Variants in PPARGC1A observed in about 807,000 individuals in gnomAD.
PPARGC1A encodes the protein PPARG coactivator 1 alpha.
In PPARGC1A, 25 loss-of-function variants were observed where a neutral mutation model predicts 88.7. That is an observed-to-expected ratio of 0.28 (90% confidence interval 0.21 to 0.39). PPARGC1A has a LOEUF of 0.39. PPARGC1A is among the 10% of genes least tolerant of loss of function. PPARGC1A has a pLI of 1.00. For synonymous variants in PPARGC1A, 363 were observed against 355.6 expected, an observed-to-expected ratio of 1.02 and a Z score of -0.24; for missense variants, 880 against 968.7, an observed-to-expected ratio of 0.91 and a Z score of 1.22.
chr4:24,082,275 G>A, the PPARGC1A span, among the ~76,000 whole-genome samples: 1 of 152,074 alleles, frequency 6.6e-6, no homozygotes, highest in Non-Finnish European at 1.5e-5. Context: ...CTTTTATCAG[G>A]CAGTGACCAT....
chr4:24,175,042 C>G, the PPARGC1A span, among the ~76,000 whole-genome samples: 2 of 151,996 alleles, frequency 1.3e-5, no homozygotes, highest in Admixed American at 6.5e-5. Flanking sequence ...GTATAACTTT[C>G]TAAAAGTAAC....
At chr4:24,306,687 A>T in the PPARGC1A span, among the ~76,000 whole-genome samples, 2 of 152,228 alleles carry the variant, frequency 1.3e-5, no homozygotes, top group Non-Finnish European at 1.5e-5. Context: ...ATATACACAA[A>T]TGACCATGGC....
At chr4:23,921,561 G>A in the PPARGC1A span, among the ~76,000 whole-genome samples, 1 of 152,164 alleles carries the variant, frequency 6.6e-6, no homozygotes, top group Admixed American at 6.5e-5. Flanking sequence ...CATTTTGTTT[G>A]ACATTTCACT....
chr4:24,172,886 C>T, the PPARGC1A span, among the ~76,000 whole-genome samples: 1 of 152,194 alleles, frequency 6.6e-6, no homozygotes, highest in Non-Finnish European at 1.5e-5. Context: ...TTTTTGCCAT[C>T]TTACCATTCT....
At chr4:24,049,794 G>A in the PPARGC1A span, among the ~76,000 whole-genome samples, 13 of 152,022 alleles carry the variant, frequency 8.6e-5, no homozygotes, top group Admixed American at 5.2e-4. Context: ...TAAGCTCTGC[G>A]TGCCCTTTTG....
At chr4:23,968,224 T>C in the PPARGC1A span, among the ~76,000 whole-genome samples, 1 of 152,198 alleles carries the variant, frequency 6.6e-6, no homozygotes, top group Non-Finnish European at 1.5e-5. Flanking sequence ...GGGAATCTGA[T>C]AGTATTTTTA....
At chr4:24,122,385 A>ATGTGTGTGTGTGTG in the PPARGC1A span, among the ~76,000 whole-genome samples, 1 of 105,922 alleles carries the variant, frequency 9.4e-6, no homozygotes, top group Non-Finnish European at 2.0e-5. Context: ...GTGTATGCGT[A>ATGTGTGTGTGTGTG]TGTGTGTGTG....
chr4:24,222,560 C>G, the PPARGC1A span, among the ~76,000 whole-genome samples: 1 of 152,092 alleles, frequency 6.6e-6, no homozygotes, highest in African/African-American at 2.4e-5. Flanking sequence ...TACACTGAAT[C>G]CCTCCTTTCA....
chr4:23,910,636 C>T, the PPARGC1A span, among the ~76,000 whole-genome samples: 3 of 150,254 alleles, frequency 2.0e-5, no homozygotes, highest in Non-Finnish European at 4.4e-5. Context: ...CATGGGGTTT[C>T]ACCATATTGG....
chr4:23,812,774 T>C lies in PPARGC1A; in HGVS notation c.1992A>G (p.Gln664=), dbSNP rs1012968552. The C allele has an allele frequency of 1.9e-6, 3 of 1,613,868 alleles. No individual in the cohort carries two copies. The highest frequency in any genetic ancestry group is 2.7e-5 in the African/African-American group (2 of 74,888). ...TTGCCTTCTGCCTCTGCCTCTCCCTTTGCTTGGCCCTCTCAGACTCTCGCT... is the reference window on the plus strand; with the variant it reads ...TTGCCTTCTGCCTCTGCCTCTCCCTCTGCTTGGCCCTCTCAGACTCTCGCT... ...YEKRESERAK[Q]RERQRQKAIE... is the part of the protein sequence containing the mutation. The change falls in exon 10 of 13, where the codon CAA becomes CAG. Residue 664 remains glutamine, a synonymous_variant. Coordinates refer to ENST00000264867, the MANE Select transcript of PPARGC1A (RefSeq NM_013261.5).
In PPARGC1A at chr4:23,795,186, A is replaced by T. The variant is rs1311656196; in HGVS notation, c.*636T>A. On this transcript the variant is annotated 3_prime_UTR_variant, in exon 13 of 13. Transcript: ENST00000264867. Reference sequence around the variant, plus strand: ...AGTTGATTCTGCACTTTCTTAAAAAAACAGAGTACAAAGGCTGATGCCCAG... The same window carrying T: ...AGTTGATTCTGCACTTTCTTAAAAATACAGAGTACAAAGGCTGATGCCCAG... The T allele has an allele frequency of 6.6e-6, 1 of 151,712 alleles. No homozygotes were observed. The highest frequency in any genetic ancestry group is 1.5e-5 in the Non-Finnish European group (1 of 67,850). 9.4% of individuals were successfully genotyped at this position (151,712 alleles called of 1,614,324 possible). A position where few individuals can be genotyped will look rare whatever the true frequency, so the allele number is the denominator to read the frequency against.
the PPARGC1A span, among the ~76,000 whole-genome samples, chr4:24,054,006 A>T: frequency 6.6e-6 from 1 of 152,198 alleles, no homozygotes; most frequent in Non-Finnish European, 1.5e-5. Flanking sequence ...TGTGTGGAGG[A>T]AATTAGAAAA....
chr4:24,117,060 T>A, the PPARGC1A span, among the ~76,000 whole-genome samples: 2 of 147,026 alleles, frequency 1.4e-5, no homozygotes, highest in Non-Finnish European at 3.0e-5. Flanking sequence ...AAAAAAAAAA[T>A]CACAGAAAAT....
the PPARGC1A span, among the ~76,000 whole-genome samples, chr4:24,202,659 TG>T: frequency 6.6e-6 from 1 of 152,162 alleles, no homozygotes; most frequent in African/African-American, 2.4e-5. Flanking sequence ...CTTTGCCCTC[TG>T]GGGACACAGG....
chr4:24,358,743 C>T, the PPARGC1A span, among the ~76,000 whole-genome samples: 1 of 152,218 alleles, frequency 6.6e-6, no homozygotes, highest in Non-Finnish European at 1.5e-5. Flanking sequence ...CCCAGTTTCT[C>T]AGAACTGAGG....
chr4:24,426,458 T>C, the PPARGC1A span, among the ~76,000 whole-genome samples: 1 of 152,152 alleles, frequency 6.6e-6, no homozygotes, highest in African/African-American at 2.4e-5. Context: ...CAAAACCCAG[T>C]GAAATTACTG....
the PPARGC1A span, among the ~76,000 whole-genome samples, chr4:23,918,850 G>T: frequency 6.6e-6 from 1 of 152,070 alleles, no homozygotes; most frequent in African/African-American, 2.4e-5. Context: ...CATGAATAAA[G>T]ATAGGAGCAA....
At chr4:24,180,474 C>T in the PPARGC1A span, among the ~76,000 whole-genome samples, 1 of 152,184 alleles carries the variant, frequency 6.6e-6, no homozygotes, top group South Asian at 2.1e-4. Flanking sequence ...TTGTTTTAGC[C>T]ATCTCTGATT....
chr4:24,211,145 G>A, the PPARGC1A span, among the ~76,000 whole-genome samples: 5 of 152,138 alleles, frequency 3.3e-5, no homozygotes, highest in Admixed American at 1.3e-4. Context: ...TGCCTAGCAC[G>A]TGCATGGCTC....
Sources: gnomAD v4.1 joint callset for allele counts (sites outside exome capture counted in the v4.1 genomes callset) on GRCh38, gnomAD v4.1.1 for gene constraint, MANE v1.5 for transcripts, NCBI Gene and HGNC (gene_info 2026-07-23, HGNC 2026-07-21) for gene names.